ADAMTS17: variants seen among roughly 807,000 people sequenced by gnomAD.
ADAMTS17 encodes the protein ADAM metallopeptidase with thrombospondin type 1 motif 17.
A neutral mutation model predicts 141.5 loss-of-function variants in ADAMTS17; 113 were observed. The ratio of observed to expected loss-of-function variants is 0.80; its 90% CI spans 0.69 to 0.93. The LOEUF is 0.93. ADAMTS17 is among the 40% of genes least tolerant of loss of function. ADAMTS17 has a pLI of 0.00. For synonymous variants in ADAMTS17, 768 were observed against 630.6 expected, an observed-to-expected ratio of 1.22 and a Z score of -3.27; for missense variants, 1,659 against 1,517.9, an observed-to-expected ratio of 1.09 and a Z score of -1.54.
chr15:99,999,785 G>A (rs1272858328), intron 18 of ADAMTS17, among the ~76,000 whole-genome samples: 1 of 152,160 alleles, frequency 6.6e-6, no homozygotes, highest in African/African-American at 2.4e-5. Flanking sequence ...AGTGACGACG[G>A]CACTGGTCTG....
chr15:100,144,507 G>A (rs2038807456), intron 10 of ADAMTS17, among the ~76,000 whole-genome samples: 1 of 151,870 alleles, frequency 6.6e-6, no homozygotes, highest in South Asian at 2.1e-4. Context: ...CCGAGACTGT[G>A]CCACTGCTCT....
At chr15:100,028,798 G>A (rs1256344164) in intron 18 of ADAMTS17, among the ~76,000 whole-genome samples, 2 of 152,164 alleles carry the variant, frequency 1.3e-5, no homozygotes, top group African/African-American at 4.8e-5. Context: ...CATGCTCTTT[G>A]CCTGCTTTCT....
At chr15:100,277,404 TCAAA>T (rs1422275240) in intron 4 of ADAMTS17, among the ~76,000 whole-genome samples, 1 of 152,028 alleles carries the variant, frequency 6.6e-6, no homozygotes, top group African/African-American at 2.4e-5. Flanking sequence ...CTGCCTGGGA[TCAAA>T]CAGCCACCCC....
At chr15:100,329,228 G>A (rs559300377) in intron 3 of ADAMTS17, among the ~76,000 whole-genome samples, 2 of 152,216 alleles carry the variant, frequency 1.3e-5, no homozygotes, top group South Asian at 4.1e-4. Context: ...AGGGTCAGGG[G>A]CTCAGGTTAA....
intron 20 of ADAMTS17, among the ~76,000 whole-genome samples, chr15:99,982,755 A>G (rs2141290438): frequency 6.6e-6 from 1 of 152,338 alleles, no homozygotes; most frequent in African/African-American, 2.4e-5. Flanking sequence ...ACTGAGAGAA[A>G]TGGGGGCAGC....
intron 12 of ADAMTS17, 53 bp downstream of exon 12, chr15:100,131,954 G>C: frequency 6.2e-7 from 1 of 1,612,932 alleles, no homozygotes; most frequent in South Asian, 1.1e-5. Flanking sequence ...GAGAGCTGCT[G>C]TTGGGAAACT....
At chr15:100,115,033 G>A (rs553221793) in intron 13 of ADAMTS17, among the ~76,000 whole-genome samples, 238 of 152,350 alleles carry the variant, frequency 1.6e-3, no homozygotes, top group African/African-American at 5.4e-3. Context: ...TGAAGAGCGT[G>A]AGTCTGTCCC....
chr15:100,125,657 G>A (rs1027029768), intron 12 of ADAMTS17, among the ~76,000 whole-genome samples: 2 of 152,154 alleles, frequency 1.3e-5, no homozygotes, highest in Non-Finnish European at 2.9e-5. Flanking sequence ...AGGTAAATTA[G>A]AGATGCATTT....
At chr15:100,096,133 G>GTC (rs2035742282) in intron 15 of ADAMTS17, among the ~76,000 whole-genome samples, 1 of 152,234 alleles carries the variant, frequency 6.6e-6, no homozygotes, top group Non-Finnish European at 1.5e-5. Flanking sequence ...TAAGTGGGGA[G>GTC]CTGTTTCCGT....
At chr15:100,287,050 T>C (rs1039142257) in intron 3 of ADAMTS17, among the ~76,000 whole-genome samples, 6 of 152,100 alleles carry the variant, frequency 3.9e-5, no homozygotes, top group Admixed American at 3.3e-4. Context: ...TAGCTGGGTG[T>C]GGTGGCACAC....
chr15:100,227,067 C>G (rs2042333240), intron 7 of ADAMTS17, among the ~76,000 whole-genome samples: 1 of 152,188 alleles, frequency 6.6e-6, no homozygotes, highest in Admixed American at 6.6e-5. Context: ...GCTCTCCTCC[C>G]TCCCACCATG....
At chr15:100,170,622 A>G (rs189160568) in intron 8 of ADAMTS17, among the ~76,000 whole-genome samples, 163 of 152,334 alleles carry the variant, frequency 1.1e-3, no homozygotes, top group African/African-American at 3.8e-3. Flanking sequence ...ACATCTTTTA[A>G]AAGTGTTTAT....
At chr15:100,148,371 C>G (rs1211516794) in intron 10 of ADAMTS17, among the ~76,000 whole-genome samples, 1 of 150,256 alleles carries the variant, frequency 6.7e-6, no homozygotes, top group African/African-American at 2.5e-5. Flanking sequence ...ATATTTCCAC[C>G]TAGTATCATT....
chr15:100,249,500 C>A (rs909214316), intron 7 of ADAMTS17, among the ~76,000 whole-genome samples: 1 of 152,224 alleles, frequency 6.6e-6, no homozygotes, highest in Admixed American at 6.5e-5. Flanking sequence ...GACCACAGGA[C>A]CCTGGGCTGT....
intron 7 of ADAMTS17, among the ~76,000 whole-genome samples, chr15:100,239,134 C>T (rs565270391): frequency 5.3e-5 from 8 of 152,314 alleles, no homozygotes; most frequent in African/African-American, 1.9e-4. Flanking sequence ...GTAACCCAAC[C>T]GCCTGGGGTC....
intron 18 of ADAMTS17, among the ~76,000 whole-genome samples, chr15:100,021,867 G>A (rs2573686): frequency 0.17 from 26,270 of 151,692 alleles, 3,286 homozygotes; most frequent in African/African-American, 0.35. Context: ...CTGCCTGCAC[G>A]CCCTCCTCAT....
At chr15:100,135,222 A>G (rs1241458609) in intron 10 of ADAMTS17, among the ~76,000 whole-genome samples, 1 of 152,222 alleles carries the variant, frequency 6.6e-6, no homozygotes, top group Non-Finnish European at 1.5e-5. Flanking sequence ...TCTTAAACAG[A>G]ACACAAAAAG....
chr15:99,984,268 G>A (rs1017592663), intron 20 of ADAMTS17, among the ~76,000 whole-genome samples: 8 of 152,174 alleles, frequency 5.3e-5, no homozygotes, highest in Non-Finnish European at 1.2e-4. Context: ...AGAGGAGACT[G>A]CGGGCAGCTC....
intron 13 of ADAMTS17, among the ~76,000 whole-genome samples, chr15:100,110,994 C>T (rs1450749028): frequency 3.3e-5 from 5 of 152,198 alleles, no homozygotes; most frequent in Admixed American, 2.0e-4. Context: ...TGTCTTACAG[C>T]GCTGGAAAGA....
Sources: gnomAD v4.1 joint callset for allele counts (sites outside exome capture counted in the v4.1 genomes callset) on GRCh38, gnomAD v4.1.1 for gene constraint, MANE v1.5 for transcripts, NCBI Gene and HGNC (gene_info 2026-07-23, HGNC 2026-07-21) for gene names.